Variants in BCAS3 observed in about 807,000 individuals in gnomAD.
The protein encoded by BCAS3 is BCAS3 microtubule associated cell migration factor, also known as BCAS4/BCAS3 fusion.
Under a neutral mutation model 116.1 loss-of-function variants are expected in BCAS3, and 53 were observed. The observed-to-expected ratio is 0.46, with a 90% confidence interval of 0.37 to 0.57. BCAS3 has a LOEUF of 0.57. Ranked by LOEUF, BCAS3 falls within the 20% of genes least tolerant of loss-of-function variation. The pLI, the probability that BCAS3 is intolerant of heterozygous loss-of-function variation, is 0.00. For synonymous variants in BCAS3, 391 were observed against 408.2 expected (o/e 0.96, Z 0.51); for missense variants, 917 against 1,165.4 (o/e 0.79, Z 3.10).
intron 6 of BCAS3, among the ~76,000 whole-genome samples, chr17:60,759,595 G>T (rs1210609611): frequency 6.8e-6 from 1 of 146,380 alleles, no homozygotes; most frequent in African/African-American, 2.5e-5. Context: ...ACATTCTCTT[G>T]CTGGATTGAC....
chr17:60,941,532 C>T (rs2060223706), intron 13 of BCAS3, among the ~76,000 whole-genome samples: 1 of 152,084 alleles, frequency 6.6e-6, no homozygotes, highest in Admixed American at 6.5e-5. Context: ...TTCTTTTTCT[C>T]CTTTCTGCTC....
intron 13 of BCAS3, among the ~76,000 whole-genome samples, chr17:60,929,904 A>C (rs971063551): frequency 2.6e-5 from 4 of 151,690 alleles, no homozygotes; most frequent in Non-Finnish European, 4.4e-5. Context: ...TGAACTCATC[A>C]TTTTTTATGG....
chr17:61,116,083 G>A (rs932627855), intron 22 of BCAS3, among the ~76,000 whole-genome samples: 1 of 139,242 alleles, frequency 7.2e-6, no homozygotes, highest in African/African-American at 2.7e-5. Flanking sequence ...ACACTCTGGG[G>A]ACTGTGGTAG....
At chr17:60,738,422 G>T (rs550832736) in intron 5 of BCAS3, among the ~76,000 whole-genome samples, 2 of 152,198 alleles carry the variant, frequency 1.3e-5, no homozygotes, top group South Asian at 4.2e-4. Context: ...AGTCTTCTTG[G>T]GGTATTGACC....
At chr17:60,880,884 C>G (rs965395363) in intron 9 of BCAS3, among the ~76,000 whole-genome samples, 4 of 152,110 alleles carry the variant, frequency 2.6e-5, no homozygotes, top group African/African-American at 9.7e-5. Flanking sequence ...CTAGATATGT[C>G]ACTTATCAGA....
intron 22 of BCAS3, among the ~76,000 whole-genome samples, chr17:61,289,768 G>A (rs2052203891): frequency 6.6e-6 from 1 of 152,154 alleles, no homozygotes; most frequent in Non-Finnish European, 1.5e-5. Context: ...GGGGGAGAAG[G>A]CTAAAAGGAT....
rs1480285431 is a variant in BCAS3, at chr17:61,189,815, T to G, written c.2425+105251T>G. Among the ~76,000 whole-genome samples, 1 of 152,168 alleles carries G rather than the reference T, an allele frequency of 6.6e-6. No homozygotes were observed. The highest frequency in any genetic ancestry group is 2.4e-5 in the African/African-American group (1 of 41,434). On this transcript the variant is annotated intron_variant, in intron 22 of 23. Coordinates refer to ENST00000407086, the MANE Select transcript of BCAS3 (RefSeq NM_017679.5). This position sits in a 1 kb window ranked among gnomAD's most constrained non-coding sequence, Gnocchi z 4.5. ...GCTCAATCCTTTTAGGAATTTGACC[T>G]TGATGCACCTATGAGATGACAAAAG...
chr17:60,705,024 G>A (rs1443685857), intron 4 of BCAS3, among the ~76,000 whole-genome samples: 2 of 151,920 alleles, frequency 1.3e-5, no homozygotes, highest in African/African-American at 4.8e-5. Flanking sequence ...GATACTCTAT[G>A]GAAAGGATTG....
intron 22 of BCAS3, among the ~76,000 whole-genome samples, chr17:61,277,564 C>T (rs2050872842): frequency 6.6e-6 from 1 of 152,026 alleles, no homozygotes; most frequent in South Asian, 2.1e-4. Context: ...AAATGACCCA[C>T]AAAATGGGAG....
rs954111927 is a variant in BCAS3, at chr17:61,008,862, G to A, written c.1487-6889G>A. On this transcript the variant is annotated intron_variant, in intron 15 of 23. Transcript: ENST00000407086. This position sits in a 1 kb window ranked among gnomAD's most constrained non-coding sequence, Gnocchi z 4.6. Reference sequence around the variant, plus strand: ...GATATTTGGGACTGGGGCTGTTTCCGTAGAATTGTCTTCTGAGGAGTGCCA... The same window carrying A: ...GATATTTGGGACTGGGGCTGTTTCCATAGAATTGTCTTCTGAGGAGTGCCA... Among the ~76,000 whole-genome samples the A allele has an allele frequency of 1.3e-4, 19 of 151,984 alleles. No individual in the cohort carries two copies. Among genetic ancestry groups the A allele is most frequent in the African/African-American group, 3.6e-4 (15 of 41,400 alleles).
At chr17:60,794,805 G>A (rs1202434319) in intron 6 of BCAS3, among the ~76,000 whole-genome samples, 1 of 152,130 alleles carries the variant, frequency 6.6e-6, no homozygotes, top group African/African-American at 2.4e-5. Context: ...GGTGACTATG[G>A]CCTTAGAATA....
intron 19 of BCAS3, among the ~76,000 whole-genome samples, chr17:61,067,789 AT>A (rs1212890892): frequency 9.3e-5 from 14 of 150,992 alleles, no homozygotes; most frequent in African/African-American, 2.9e-4. Flanking sequence ...AGAAGCCCAT[AT>A]ATTCCTATAA....
rs190867756 is a variant in BCAS3, at chr17:61,350,961, G to A, written c.2426-17366G>A. Among the ~76,000 whole-genome samples, 227 of 152,256 alleles carry A rather than the reference G, an allele frequency of 1.5e-3. 1 individual carries two copies. Among genetic ancestry groups the A allele is most frequent in the African/African-American group, 5.2e-3 (216 of 41,556 alleles). ...CAATCTTAAAAAAGAAGGAGATCCT[G>A]CCATTTGCCACAACTTGGAGTTATT... On this transcript the variant is annotated intron_variant, in intron 22 of 23. Coordinates refer to ENST00000407086, the MANE Select transcript of BCAS3 (RefSeq NM_017679.5).
At chr17:61,232,880 C>G (rs1156562723) in intron 22 of BCAS3, among the ~76,000 whole-genome samples, 1 of 152,138 alleles carries the variant, frequency 6.6e-6, no homozygotes, top group Non-Finnish European at 1.5e-5. Flanking sequence ...ATTTAGCAGG[C>G]TACTGCATTA....
At chr17:61,231,204 ATG>A (rs2082660305) in intron 22 of BCAS3, among the ~76,000 whole-genome samples, 1 of 151,720 alleles carries the variant, frequency 6.6e-6, no homozygotes, top group African/African-American at 2.4e-5. Flanking sequence ...GCATTTTTTC[ATG>A]TGTTTGTTGG....
At chr17:60,742,426 C>CTTTTTTTTTTTTTTT (rs1173664552) in intron 5 of BCAS3, among the ~76,000 whole-genome samples, 4 of 103,450 alleles carry the variant, frequency 3.9e-5, no homozygotes, top group Admixed American at 1.1e-4. Context: ...TCCTTGACAT[C>CTTTTTTTTTTTTTTT]TTTTTTTTTT....
rs537855288 is a variant in BCAS3 at position 61,163,854 on chromosome 17, C to T, written c.2425+79290C>T. Among the ~76,000 whole-genome samples the T allele has an allele frequency of 6.6e-5, 10 of 151,818 alleles. No homozygotes were observed. The South Asian group carries it at 8.3e-4, about 13-fold the overall frequency. ...ATACAAAATTAGCCAGGCATGGTGG[C>T]GCATGCCTGTAATCCCAGCTACTCG... is the stretch of plus-strand genomic sequence containing the variant. On this transcript the variant is annotated intron_variant, in intron 22 of 23. Transcript: ENST00000407086.
In BCAS3 at chr17:60,956,174, A is replaced by G. The variant is rs2145285773; in HGVS notation, c.1221+8822A>G. ...TATATTTGTTCAATAATTACTTATT[A>G]TAGTGCACAAAATGTCCCACATTTG... On this transcript the variant is annotated intron_variant, in intron 14 of 23. Coordinates refer to ENST00000407086, the MANE Select transcript of BCAS3 (RefSeq NM_017679.5). This position sits in a 1 kb window ranked among gnomAD's most constrained non-coding sequence, Gnocchi z 4.2. 6.6e-6 allele frequency among the ~76,000 whole-genome samples: 1 copy of G among 152,344 alleles called. No homozygotes were observed. The highest frequency in any genetic ancestry group is 1.5e-5 in the Non-Finnish European group (1 of 68,038).
At chr17:60,978,561 A>G (rs1236264916) in intron 14 of BCAS3, among the ~76,000 whole-genome samples, 3 of 150,718 alleles carry the variant, frequency 2.0e-5, no homozygotes, top group Non-Finnish European at 3.0e-5. Context: ...GGTGTTTTAG[A>G]CATGAAGTCC....
Sources: gnomAD v4.1 joint callset for allele counts (sites outside exome capture counted in the v4.1 genomes callset) on GRCh38, gnomAD v4.1.1 for gene constraint, Gnocchi (gnomAD v3.1) non-coding constraint, MANE v1.5 for transcripts, NCBI Gene and HGNC (gene_info 2026-07-23, HGNC 2026-07-21) for gene names.